ATP8A1: variants seen among roughly 807,000 people sequenced by gnomAD.
The protein encoded by ATP8A1 is ATPase phospholipid transporting 8A1, also known as phospholipid-transporting ATPase IA.
A neutral mutation model predicts 177.7 loss-of-function variants in ATP8A1; 90 were observed. The ratio of observed to expected loss-of-function variants is 0.51; its 90% CI spans 0.43 to 0.60. The LOEUF (loss-of-function observed/expected upper bound fraction) is 0.60, where lower values mean the gene tolerates loss of function less well. Ranked by LOEUF, ATP8A1 falls within the 20% of genes least tolerant of loss-of-function variation. The pLI is 0.00. For missense variants in ATP8A1, 1,072 were observed against 1,392.8 expected (o/e 0.77, Z 3.67); for synonymous variants, 493 against 485.9 (o/e 1.01, Z -0.19).
At chr4:42,628,254 T>A (rs1218837046) in intron 1 of ATP8A1, among the ~76,000 whole-genome samples, 1 of 152,202 alleles carries the variant, frequency 6.6e-6, no homozygotes, top group Non-Finnish European at 1.5e-5. Context: ...GTAACAACTA[T>A]GTGAAAAGCT....
intron 24 of ATP8A1, among the ~76,000 whole-genome samples, chr4:42,488,759 C>T (rs1181725067): frequency 6.6e-6 from 1 of 152,136 alleles, no homozygotes; most frequent in Non-Finnish European, 1.5e-5. Context: ...GGATCATCTG[C>T]TGCCTTCAAA....
intron 33 of ATP8A1, among the ~76,000 whole-genome samples, chr4:42,430,804 T>G (rs2153170517): frequency 6.6e-6 from 1 of 152,284 alleles, no homozygotes; most frequent in Admixed American, 6.5e-5. Flanking sequence ...CTCATTCAGC[T>G]TCCACCACCC....
chr4:42,593,956 AT>A (rs942731495), intron 6 of ATP8A1, among the ~76,000 whole-genome samples: 13 of 152,224 alleles, frequency 8.5e-5, no homozygotes, highest in African/African-American at 3.1e-4. Flanking sequence ...AAGATAAAAA[AT>A]ATCAATAGAA....
At chr4:42,475,825 G>A (rs1374258163) in intron 25 of ATP8A1, among the ~76,000 whole-genome samples, 1 of 152,060 alleles carries the variant, frequency 6.6e-6, no homozygotes, top group African/African-American at 2.4e-5. Context: ...ATCACCTGAG[G>A]TCAGGAGTTT....
intron 33 of ATP8A1, among the ~76,000 whole-genome samples, chr4:42,440,168 T>C (rs1367257255): frequency 6.6e-6 from 1 of 152,170 alleles, no homozygotes. Flanking sequence ...TCAAACTGTA[T>C]TCAGAATCCA....
chr4:42,487,725 G>A (rs562273036), intron 24 of ATP8A1, among the ~76,000 whole-genome samples: 1 of 152,264 alleles, frequency 6.6e-6, no homozygotes, highest in African/African-American at 2.4e-5. Flanking sequence ...ATTTTTGAAA[G>A]TGTTTTTACA....
chr4:42,606,180 T>C lies in ATP8A1; in HGVS notation c.410-5662A>G, dbSNP rs61070500. Among the ~76,000 whole-genome samples the C allele has an allele frequency of 4.7e-3, 711 of 152,262 alleles. 1 individual carries two copies. The highest frequency in any genetic ancestry group is 0.016 in the African/African-American group (646 of 41,522). On this transcript the variant is annotated intron_variant, in intron 5 of 36. Transcript: ENST00000381668. ...TGTCAATTACAACGGGTTGGATAAT[T>C]AGGTGGACACACAAGACTTCACAGG...
At chr4:42,548,912 TAAA>T (rs1729198168) in intron 19 of ATP8A1, 98 bp downstream of exon 19, 4 of 932,450 alleles carry the variant, frequency 4.3e-6, no homozygotes, top group African/African-American at 1.7e-5. Flanking sequence ...CAAATTTAGT[TAAA>T]TAAAAACAAA....
chr4:42,564,768 A>G (rs13142493), intron 15 of ATP8A1, among the ~76,000 whole-genome samples: 91,563 of 151,884 alleles, frequency 0.6, 27,934 homozygotes, highest in East Asian at 0.92. Context: ...GACTTTGGGG[A>G]ATTGTTAGGA....
At position 42,464,145 on chromosome 4, in the gene ATP8A1, A is replaced by C. The variant is rs1719473493; in HGVS notation, c.2619+545T>G. On this transcript the variant is annotated intron_variant, in intron 27 of 36. Transcript: ENST00000381668. Reference sequence around the variant, plus strand: ...TTATAGACTTTTATACATTATTAATAATGTATTTTTTACATTAAATACATT... The same window carrying C: ...TTATAGACTTTTATACATTATTAATCATGTATTTTTTACATTAAATACATT... Among the ~76,000 whole-genome samples, 7 of 152,342 alleles carry C rather than the reference A, an allele frequency of 4.6e-5. No homozygotes were observed. The South Asian group carries it at 1.4e-3, about 32-fold the overall frequency.
At chr4:42,637,684 T>C (rs1419248928) in intron 1 of ATP8A1, among the ~76,000 whole-genome samples, 1 of 152,228 alleles carries the variant, frequency 6.6e-6, no homozygotes, top group Non-Finnish European at 1.5e-5. Flanking sequence ...TCTAAAGCTC[T>C]GACACTGATA....
chr4:42,607,631 G>GT (rs1735927165), intron 5 of ATP8A1, among the ~76,000 whole-genome samples: 5 of 69,498 alleles, frequency 7.2e-5, no homozygotes, highest in Admixed American at 3.4e-4. Flanking sequence ...TGATTCTACA[G>GT]GTTTTTTTTT....
chr4:42,557,696 T>C (rs1730384606), intron 15 of ATP8A1, among the ~76,000 whole-genome samples: 1 of 152,186 alleles, frequency 6.6e-6, no homozygotes, highest in Non-Finnish European at 1.5e-5. Flanking sequence ...TCAGGGATAA[T>C]GCTAAAGAAC....
intron 15 of ATP8A1, among the ~76,000 whole-genome samples, chr4:42,566,896 G>T (rs1393777798): frequency 2.0e-5 from 3 of 152,194 alleles, no homozygotes; most frequent in Admixed American, 6.5e-5. Flanking sequence ...AGGATTAAGT[G>T]AGAGCACCAG....
chr4:42,527,959 C>A (rs1312596643), intron 20 of ATP8A1, among the ~76,000 whole-genome samples: 3 of 152,080 alleles, frequency 2.0e-5, no homozygotes, highest in African/African-American at 4.8e-5. Flanking sequence ...TGGCCTTTTA[C>A]CAGGGTAACT....
chr4:42,609,967 CAA>C (rs1736207270), intron 5 of ATP8A1, among the ~76,000 whole-genome samples: 1 of 152,090 alleles, frequency 6.6e-6, no homozygotes, highest in Non-Finnish European at 1.5e-5. Context: ...ATGCCCTGGC[CAA>C]AACAGACTAT....
intron 33 of ATP8A1, among the ~76,000 whole-genome samples, chr4:42,425,142 G>C (rs944787129): frequency 6.6e-6 from 1 of 152,096 alleles, no homozygotes; most frequent in Non-Finnish European, 1.5e-5. Flanking sequence ...TCCTTCTGGG[G>C]GGAAAGGTAA....
chr4:42,447,003 C>T (rs950768552), intron 30 of ATP8A1, among the ~76,000 whole-genome samples: 15 of 152,094 alleles, frequency 9.9e-5, no homozygotes, highest in South Asian at 2.1e-4. Context: ...GGAATCTTCT[C>T]ACTATCTCTC....
chr4:42,475,683 A>T (rs1301750027), intron 25 of ATP8A1, among the ~76,000 whole-genome samples: 2 of 152,248 alleles, frequency 1.3e-5, no homozygotes, highest in East Asian at 3.9e-4. Flanking sequence ...GGTGCCACGT[A>T]TTAGCTCATT....
Sources: allele counts gnomAD v4.1 joint callset (sites outside exome capture counted in the v4.1 genomes callset), GRCh38; gene constraint gnomAD v4.1.1; transcripts MANE v1.5; gene names NCBI Gene and HGNC (gene_info 2026-07-23, HGNC 2026-07-21).